The following PRPF6 variants were observed in gnomAD, a reference collection of about 807,000 sequenced individuals.
PRPF6 encodes pre-mRNA-processing factor 6.
Under a neutral mutation model 118.3 loss-of-function variants are expected in PRPF6, and 42 were observed. The ratio of observed to expected loss-of-function variants is 0.35; its 90% CI spans 0.28 to 0.46. The LOEUF is 0.46. Ranked by LOEUF, PRPF6 falls within the 20% of genes least tolerant of loss-of-function variation. PRPF6 has a pLI of 1.00. For missense variants in PRPF6, 662 were observed against 1,255.7 expected, an observed-to-expected ratio of 0.53 and a Z score of 7.15; for synonymous variants, 481 against 485.1, an observed-to-expected ratio of 0.99 and a Z score of 0.11.
At chr20:64,012,951 C>G (rs541100233) in intron 11 of PRPF6, among the ~76,000 whole-genome samples, 148 of 151,042 alleles carry the variant, frequency 9.8e-4, no homozygotes, top group African/African-American at 3.5e-3. Flanking sequence ...CCCTCTCCCC[C>G]ACACCCTTTT....
In PRPF6 at chr20:64,016,706, TTG is replaced by T; in HGVS notation, c.1525-13_1525-12del. ...TGATTTCCAAAATCACAAATAAGTT[TTG>T]TGTTCCTCTTTCAGGATGCCGAGGA... is the stretch of plus-strand genomic sequence containing the variant. On this transcript the variant is annotated splice_polypyrimidine_tract_variant and intron_variant, in intron 11 of 20. Coordinates refer to ENST00000266079, the MANE Select transcript of PRPF6 (RefSeq NM_012469.4). The T allele has an allele frequency of 6.2e-7, 1 of 1,613,866 alleles. No homozygotes were observed. The highest frequency in any genetic ancestry group is 1.1e-5 in the South Asian group (1 of 91,066).
At chr20:63,982,381 A>AG (rs1404804105) in intron 1 of PRPF6, among the ~76,000 whole-genome samples, 2 of 151,658 alleles carry the variant, frequency 1.3e-5, no homozygotes, top group Admixed American at 6.6e-5. Flanking sequence ...CATGTTGGCC[A>AG]GGGGGGTCTT....
At chr20:63,993,044 C>T (rs916425918) in intron 3 of PRPF6, among the ~76,000 whole-genome samples, 5 of 151,674 alleles carry the variant, frequency 3.3e-5, no homozygotes, top group South Asian at 2.1e-4. Context: ...GGTGAAACCC[C>T]GTCTCTACTA....
rs2059272760 is a variant in PRPF6, at chr20:64,022,879, G to T, written c.1769+1G>T. The T allele has an allele frequency of 6.2e-7, 1 of 1,613,894 alleles. No individual in the cohort carries two copies. Among genetic ancestry groups the T allele is most frequent in the South Asian group, 1.1e-5 (1 of 91,078 alleles). On this transcript the variant is annotated splice_donor_variant, in intron 13 of 20. Coordinates refer to ENST00000266079, the MANE Select transcript of PRPF6 (RefSeq NM_012469.4). LOFTEE classifies it high-confidence loss of function. ...ACTTCGAGAAGAACCATGGCACTCG[G>T]TATGTGGTGGGACCCGCCTGCCCAA...
intron 12 of PRPF6, among the ~76,000 whole-genome samples, chr20:64,020,231 C>G (rs1318524508): frequency 6.6e-6 from 1 of 152,132 alleles, no homozygotes; most frequent in Admixed American, 6.5e-5. Flanking sequence ...GCCTGGCCAA[C>G]ATGGTGAAAC....
At chr20:64,019,458 G>C (rs1016696848) in intron 12 of PRPF6, among the ~76,000 whole-genome samples, 4 of 152,096 alleles carry the variant, frequency 2.6e-5, no homozygotes, top group Non-Finnish European at 5.9e-5. Flanking sequence ...CAAAGTGCTC[G>C]TGATGCTAGA....
At chr20:63,984,842 C>A in intron 2 of PRPF6, 65 bp from the exon 3 acceptor site, 1 of 1,159,652 alleles carries the variant, frequency 8.6e-7, no homozygotes, top group Non-Finnish European at 1.3e-6. Flanking sequence ...TAGAGATCTC[C>A]GTTTCGCTGG....
intron 6 of PRPF6, among the ~76,000 whole-genome samples, chr20:63,998,403 C>CT (rs1356420438): frequency 2.6e-5 from 4 of 151,074 alleles, no homozygotes; most frequent in Non-Finnish European, 4.4e-5. Context: ...AAAAATTACA[C>CT]TTTTTTTTGT....
chr20:63,997,338 T>G (rs1275397050), intron 6 of PRPF6, among the ~76,000 whole-genome samples: 1 of 147,856 alleles, frequency 6.8e-6, no homozygotes, highest in Non-Finnish European at 1.5e-5. Context: ...TCACCCAGGC[T>G]GGAGTTCAAT....
intron 1 of PRPF6, among the ~76,000 whole-genome samples, chr20:63,981,527 A>C (rs937429752): frequency 3.9e-5 from 6 of 152,190 alleles, no homozygotes; most frequent in Non-Finnish European, 8.8e-5. Context: ...ATTGACTCTC[A>C]GCCCAGTGTT....
rs916104547 is a variant in PRPF6, at chr20:63,994,283, T to C, written c.439-633T>C. Among the ~76,000 whole-genome samples, 6 of 151,234 alleles carry C rather than the reference T, an allele frequency of 4.0e-5. No homozygotes were observed. The East Asian group carries it at 1.2e-3, about 30-fold the overall frequency. ...AACGATTCTCCTGCCTCAGCCTCCCTAGTAGCTGGGATTACAGGCATGTGC... is the reference window on the plus strand; with the variant it reads ...AACGATTCTCCTGCCTCAGCCTCCCCAGTAGCTGGGATTACAGGCATGTGC... On this transcript the variant is annotated intron_variant, in intron 4 of 20. Coordinates refer to ENST00000266079, the MANE Select transcript of PRPF6 (RefSeq NM_012469.4).
chr20:63,986,826 A>G (rs2059096159), intron 3 of PRPF6, among the ~76,000 whole-genome samples: 1 of 151,772 alleles, frequency 6.6e-6, no homozygotes, highest in Admixed American at 6.6e-5. Context: ...ATTTGATAAG[A>G]TTCAACATTC....
intron 6 of PRPF6, among the ~76,000 whole-genome samples, 165 bp downstream of exon 6, chr20:63,995,647 A>G (rs1015441479): frequency 2.8e-5 from 4 of 144,354 alleles, no homozygotes; most frequent in African/African-American, 1.0e-4. Context: ...TTTTGCCTGA[A>G]TAATTCCGCA....
chr20:64,002,322 A>G (rs1274884250), intron 9 of PRPF6, among the ~76,000 whole-genome samples: 1 of 125,772 alleles, frequency 8.0e-6, no homozygotes, highest in Admixed American at 8.2e-5. Flanking sequence ...CACCTGGCCT[A>G]TGCAGGTGGC....
At chr20:63,984,489 C>T (rs1203152669) in intron 2 of PRPF6, among the ~76,000 whole-genome samples, 1 of 152,022 alleles carries the variant, frequency 6.6e-6, no homozygotes, top group Non-Finnish European at 1.5e-5. Flanking sequence ...TAGTGCCCCC[C>T]CAAAAAAAAG....
At chr20:63,982,730 G>A (rs1045393117) in intron 1 of PRPF6, among the ~76,000 whole-genome samples, 4 of 152,182 alleles carry the variant, frequency 2.6e-5, no homozygotes, top group Admixed American at 1.3e-4. Context: ...ACCCCCCAGA[G>A]CAGCTGTAAG....
chr20:64,032,029 G>A lies in PRPF6; in HGVS notation c.2658G>A (p.Leu886=), dbSNP rs2059316945. 2 of 1,614,092 alleles carry A rather than the reference G, an allele frequency of 1.2e-6. No individual in the cohort carries two copies. The highest frequency in any genetic ancestry group is 1.3e-5 in the African/African-American group (1 of 75,064). ...GGGCCTTCTTCTACAAGTTTGAGCTGCAGCATGGCACTGAGGTGAGGCCCC... is the reference window on the plus strand; with the variant it reads ...GGGCCTTCTTCTACAAGTTTGAGCTACAGCATGGCACTGAGGTGAGGCCCC... ...DAWAFFYKFE[L]QHGTEEQQEE... Residue 886 remains leucine, a synonymous_variant, in exon 20 of 21, where the codon CTG becomes CTA. Transcript: ENST00000266079.
Position 63,991,393 on chromosome 20 carries a change from G to T in PRPF6, c.360-2014G>T, listed in dbSNP as rs113829920. Among the ~76,000 whole-genome samples the T allele has an allele frequency of 2.4e-4, 37 of 152,224 alleles. 1 individual carries two copies. The highest frequency in any genetic ancestry group is 8.7e-4 in the African/African-American group (36 of 41,536). ...GCTATGCTTATGCCACTGTGCTCCA[G>T]CCTGGGCAACAGACCAAGGCCGTGT... On this transcript the variant is annotated intron_variant, in intron 3 of 20. Coordinates refer to ENST00000266079, the MANE Select transcript of PRPF6 (RefSeq NM_012469.4).
chr20:64,001,380 C>T, intron 9 of PRPF6, 141 bp downstream of exon 9: 2 of 1,044,268 alleles, frequency 1.9e-6, no homozygotes, highest in East Asian at 2.6e-5. Context: ...GGCTGGGTTG[C>T]CTCTGCCCTT....
Sources: allele counts gnomAD v4.1 joint callset (sites outside exome capture counted in the v4.1 genomes callset), GRCh38; gene constraint gnomAD v4.1.1; transcripts MANE v1.5; gene names NCBI Gene and HGNC (gene_info 2026-07-23, HGNC 2026-07-21).